LHFPL3: variants seen among roughly 807,000 people sequenced by gnomAD.
LHFPL3 encodes the protein LHFPL tetraspan subfamily member 3 protein.
A neutral mutation model predicts 19.3 loss-of-function variants in LHFPL3; 5 were observed. The observed-to-expected ratio is 0.26, with a 90% CI of 0.14 to 0.54. The LOEUF is 0.54. Ranked by LOEUF, LHFPL3 falls within the 20% of genes least tolerant of loss-of-function variation. The pLI is 0.94. For synonymous variants in LHFPL3, 133 were observed against 126.2 expected, an observed-to-expected ratio of 1.05 and a Z score of -0.36; for missense variants, 249 against 307.4, an observed-to-expected ratio of 0.81 and a Z score of 1.42.
chr7:104,346,037 C>T (rs1790057631), intron 1 of LHFPL3, among the ~76,000 whole-genome samples: 1 of 139,190 alleles, frequency 7.2e-6, no homozygotes, highest in African/African-American at 2.9e-5. Context: ...ATTTTTATTC[C>T]TTCTTTTTTT....
At chr7:104,792,065 G>A (rs1231773468) in intron 2 of LHFPL3, among the ~76,000 whole-genome samples, 1 of 152,164 alleles carries the variant, frequency 6.6e-6, no homozygotes. Context: ...TGAAAGAAAA[G>A]CATCACATTC....
chr7:104,813,484 G>A (rs1790513030), intron 2 of LHFPL3, among the ~76,000 whole-genome samples: 1 of 152,098 alleles, frequency 6.6e-6, no homozygotes, highest in South Asian at 2.1e-4. Context: ...AGTTTTGCTT[G>A]TGCCCACTGG....
At chr7:104,332,559 A>T (rs1326354850) in intron 1 of LHFPL3, among the ~76,000 whole-genome samples, 2 of 152,184 alleles carry the variant, frequency 1.3e-5, no homozygotes, top group Non-Finnish European at 2.9e-5. Context: ...ATACATTAAG[A>T]TGATGAAACA....
intron 1 of LHFPL3, among the ~76,000 whole-genome samples, chr7:104,538,644 AT>A: frequency 6.6e-6 from 1 of 152,124 alleles, no homozygotes; most frequent in East Asian, 1.9e-4. Context: ...TCTTTCATTT[AT>A]TATTTTTATT....
At chr7:104,421,497 A>C (rs1278444709) in intron 1 of LHFPL3, among the ~76,000 whole-genome samples, 2 of 152,162 alleles carry the variant, frequency 1.3e-5, no homozygotes, top group Non-Finnish European at 2.9e-5. Context: ...GTCACTGGAA[A>C]GGTTTATTGG....
intron 1 of LHFPL3, among the ~76,000 whole-genome samples, chr7:104,470,936 C>A (rs1792895430): frequency 6.6e-6 from 1 of 152,102 alleles, no homozygotes; most frequent in Non-Finnish European, 1.5e-5. Context: ...GCCCTCCTGC[C>A]AGTCCCCCTG....
chr7:104,806,461 T>G (rs1231757317), intron 2 of LHFPL3, among the ~76,000 whole-genome samples: 1 of 152,210 alleles, frequency 6.6e-6, no homozygotes, highest in Non-Finnish European at 1.5e-5. Flanking sequence ...TCATTACAAA[T>G]AGGAGTTTTA....
chr7:104,532,864 A>G (rs1351479153), intron 1 of LHFPL3, among the ~76,000 whole-genome samples: 1 of 152,208 alleles, frequency 6.6e-6, no homozygotes, highest in Admixed American at 6.5e-5. Context: ...ACTAGACAAA[A>G]GGATCTGCAA....
chr7:104,893,234 C>T (rs1792287938), intron 2 of LHFPL3, among the ~76,000 whole-genome samples: 1 of 151,536 alleles, frequency 6.6e-6, no homozygotes. Flanking sequence ...AAAAAATTGG[C>T]CTGGCACGGT....
chr7:104,406,410 A>G (rs1347173792), intron 1 of LHFPL3, among the ~76,000 whole-genome samples: 1 of 152,234 alleles, frequency 6.6e-6, no homozygotes, highest in African/African-American at 2.4e-5. Context: ...GATCAGAGAT[A>G]AGGAATATGT....
intron 1 of LHFPL3, among the ~76,000 whole-genome samples, chr7:104,375,711 A>G (rs917044580): frequency 6.6e-6 from 1 of 152,204 alleles, no homozygotes; most frequent in Non-Finnish European, 1.5e-5. Context: ...GGTAGAGACA[A>G]TGGGTGCAAA....
rs369385422 is a variant in LHFPL3, at chr7:104,391,167, A to G, written c.445+61943A>G. Among the ~76,000 whole-genome samples the G allele has an allele frequency of 6.0e-3, 909 of 152,068 alleles. 69 individuals carry two copies. The East Asian group carries it at 0.15, about 26-fold the overall frequency. ...CACTCTGATGGTACTTTCTTTTGCT[A>G]TGCAGAAGCTCTTTAGTTTAATTAG... On this transcript the variant is annotated intron_variant, in intron 1 of 2. Coordinates refer to ENST00000424859, the MANE Select transcript of LHFPL3 (RefSeq NM_199000.3).
intron 1 of LHFPL3, among the ~76,000 whole-genome samples, chr7:104,594,427 C>T (rs1790795970): frequency 6.6e-6 from 1 of 152,200 alleles, no homozygotes; most frequent in Non-Finnish European, 1.5e-5. Context: ...GATGGGCTTC[C>T]CTCTGTGGGT....
At chr7:104,433,118 A>G (rs1792032864) in intron 1 of LHFPL3, among the ~76,000 whole-genome samples, 1 of 152,212 alleles carries the variant, frequency 6.6e-6, no homozygotes, top group African/African-American at 2.4e-5. Flanking sequence ...GAGACTTTTT[A>G]AAAGCTTGCC....
intron 2 of LHFPL3, among the ~76,000 whole-genome samples, chr7:104,848,180 C>T (rs904511145): frequency 2.6e-5 from 4 of 152,106 alleles, no homozygotes; most frequent in Admixed American, 1.3e-4. Flanking sequence ...AAGGGTTGTA[C>T]AAGAGGACTC....
intron 1 of LHFPL3, among the ~76,000 whole-genome samples, chr7:104,666,321 C>T (rs115100708): frequency 2.0e-5 from 3 of 151,752 alleles, no homozygotes; most frequent in East Asian, 1.9e-4. Context: ...TCCCTCCCTC[C>T]GCCCTCACAC....
intron 2 of LHFPL3, among the ~76,000 whole-genome samples, chr7:104,745,546 A>G (rs1794026864): frequency 6.6e-6 from 1 of 152,090 alleles, no homozygotes; most frequent in East Asian, 1.9e-4. Flanking sequence ...ATGCAATAAC[A>G]GGAGGAAAAA....
At chr7:104,559,650 T>A (rs1789941181) in intron 1 of LHFPL3, among the ~76,000 whole-genome samples, 1 of 152,214 alleles carries the variant, frequency 6.6e-6, no homozygotes, top group Admixed American at 6.5e-5. Flanking sequence ...ACTTCCTATT[T>A]TCCTAACTGA....
intron 2 of LHFPL3, among the ~76,000 whole-genome samples, chr7:104,775,078 A>C (rs1794617296): frequency 6.6e-6 from 1 of 152,212 alleles, no homozygotes; most frequent in South Asian, 2.1e-4. Context: ...GATAACCATA[A>C]TACAGTATAT....
Sources: gnomAD v4.1 joint callset for allele counts (sites outside exome capture counted in the v4.1 genomes callset) on GRCh38, gnomAD v4.1.1 for gene constraint, MANE v1.5 for transcripts, NCBI Gene and HGNC (gene_info 2026-07-23, HGNC 2026-07-21) for gene names.